Variants in ABCA13 observed in about 807,000 individuals in gnomAD.
ABCA13 encodes ATP binding cassette subfamily A member 13.
In ABCA13, 476 loss-of-function variants were observed where a neutral mutation model predicts 478.7. The ratio of observed to expected loss-of-function variants is 0.99; its 90% confidence interval spans 0.92 to 1.07. The LOEUF (loss-of-function observed/expected upper bound fraction) is 1.07. Ranked by LOEUF, ABCA13 falls within the 50% of genes least tolerant of loss-of-function variation. ABCA13 has a pLI of 0.00. For synonymous variants in ABCA13, 2,252 were observed against 2,158.9 expected, an observed-to-expected ratio of 1.04 and a Z score of -1.20; for missense variants, 6,060 against 5,910.6, an observed-to-expected ratio of 1.03 and a Z score of -0.83.
At chr7:48,358,174 G>C (rs547818361) in intron 31 of ABCA13, among the ~76,000 whole-genome samples, 9 of 127,462 alleles carry the variant, frequency 7.1e-5, no homozygotes, top group African/African-American at 2.5e-4. Context: ...GAAAGGACAG[G>C]ACAGGACAGG....
Position 48,401,233 on chromosome 7 carries a change from A to G in ABCA13, c.11874-2450A>G, listed in dbSNP as rs567689325. 1.6e-4 allele frequency among the ~76,000 whole-genome samples: 24 copies of G among 152,368 alleles called. No individual in the cohort carries two copies. In the South Asian group the frequency reaches 2.9e-3, roughly 18 times the overall value. On this transcript the variant is annotated intron_variant, in intron 38 of 61. Transcript: ENST00000435803. ...TTAGACTAGTAGTACCCAGTGTATG[A>G]TACATGTCTAATAAATGTTAAATAT...
chr7:48,319,567 G>A (rs901423629), intron 27 of ABCA13, among the ~76,000 whole-genome samples: 20 of 151,972 alleles, frequency 1.3e-4, no homozygotes, highest in African/African-American at 4.6e-4. Flanking sequence ...TTTAAGACGT[G>A]GTCTTTTTCT....
chr7:48,289,381 C>T (rs1363215976), intron 20 of ABCA13, among the ~76,000 whole-genome samples: 4 of 127,370 alleles, frequency 3.1e-5, no homozygotes, highest in African/African-American at 1.2e-4. Context: ...TTTTTTGAAA[C>T]GGAGTCTTGC....
chr7:48,565,188 A>G (rs1235904281), intron 55 of ABCA13, among the ~76,000 whole-genome samples: 1 of 150,722 alleles, frequency 6.6e-6, no homozygotes, highest in Admixed American at 6.6e-5. Flanking sequence ...GCTGCTATGA[A>G]CAGAGCATGT....
At chr7:48,241,544 C>T (rs537425931) in intron 10 of ABCA13, among the ~76,000 whole-genome samples, 1 of 152,238 alleles carries the variant, frequency 6.6e-6, no homozygotes, top group East Asian at 1.9e-4. Flanking sequence ...TTGTTTCTTC[C>T]TTTTTAAGAT....
intron 30 of ABCA13, among the ~76,000 whole-genome samples, chr7:48,351,478 G>A (rs1008557234): frequency 2.0e-5 from 3 of 152,168 alleles, no homozygotes; most frequent in African/African-American, 7.2e-5. Flanking sequence ...TATGAGGAGA[G>A]AATCTTCTCT....
At chr7:48,291,900 G>A (rs771670146) in intron 20 of ABCA13, among the ~76,000 whole-genome samples, 2 of 152,012 alleles carry the variant, frequency 1.3e-5, no homozygotes, top group Non-Finnish European at 1.5e-5. Flanking sequence ...CTCAGCTCCC[G>A]GCACTTTCCC....
chr7:48,430,415 C>T (rs532328800), intron 42 of ABCA13, among the ~76,000 whole-genome samples: 1 of 152,138 alleles, frequency 6.6e-6, no homozygotes, highest in African/African-American at 2.4e-5. Flanking sequence ...GTGGCTCACG[C>T]CTGTAATCCC....
At chr7:48,310,713 G>C (rs1350067511) in intron 24 of ABCA13, among the ~76,000 whole-genome samples, 1 of 152,168 alleles carries the variant, frequency 6.6e-6, no homozygotes, top group Admixed American at 6.5e-5. Flanking sequence ...ACAAGCAGCA[G>C]TGTGAGGGCA....
At chr7:48,613,288 A>G (rs1370466921) in intron 58 of ABCA13, among the ~76,000 whole-genome samples, 1 of 151,856 alleles carries the variant, frequency 6.6e-6, no homozygotes, top group African/African-American at 2.4e-5. Flanking sequence ...TCCCGGGTTC[A>G]AGTGATTCTC....
At chr7:48,485,314 T>G (rs1029855555) in intron 47 of ABCA13, among the ~76,000 whole-genome samples, 17 of 152,204 alleles carry the variant, frequency 1.1e-4, no homozygotes, top group African/African-American at 4.1e-4. Flanking sequence ...TGTCATAGTA[T>G]GTTCCTAAAA....
chr7:48,216,878 A>C (rs1194366356), intron 3 of ABCA13, among the ~76,000 whole-genome samples: 2 of 152,188 alleles, frequency 1.3e-5, no homozygotes, highest in African/African-American at 4.8e-5. Context: ...AAAACATTGA[A>C]TCATCCAATC....
chr7:48,374,476 G>C, intron 34 of ABCA13, 60 bp downstream of exon 34: 1 of 1,434,596 alleles, frequency 7.0e-7, no homozygotes, highest in Admixed American at 2.1e-5. Flanking sequence ...GAAATTAATA[G>C]TTATATTGCA....
chr7:48,605,580 C>G (rs1791384247), intron 58 of ABCA13, among the ~76,000 whole-genome samples: 1 of 152,186 alleles, frequency 6.6e-6, no homozygotes, highest in Admixed American at 6.5e-5. Context: ...CAGAGAGATC[C>G]ACTGTTAGTC....
In ABCA13 at chr7:48,278,088, T is replaced by G. The variant is rs1253150384; in HGVS notation, c.6900-6T>G. The G allele has an allele frequency of 9.1e-7, 1 of 1,093,240 alleles. No individual in the cohort carries two copies. Among genetic ancestry groups the G allele is most frequent in the Admixed American group, 3.5e-5 (1 of 28,606 alleles). The allele number at this position is 1,093,240 out of a possible 1,614,324, so 67.7% of individuals were successfully genotyped here. ...ATTAAAAGTATATATATATATATAT[T>G]TACAGTTTTGTCCCAAAAGATAAAA... is the stretch of plus-strand genomic sequence containing the variant. On this transcript the variant is annotated splice_polypyrimidine_tract_variant and splice_region_variant and intron_variant, in intron 17 of 61. Transcript: ENST00000435803.
rs1345718487 is a variant in ABCA13 at position 48,490,645 on chromosome 7, T to TA, written c.13291+1302dup. Among the ~76,000 whole-genome samples the TA allele has an allele frequency of 3.9e-5, 6 of 152,328 alleles. No individual in the cohort carries two copies. In the East Asian group the frequency reaches 1.2e-3, roughly 29 times the overall value. Reference sequence around the variant, plus strand: ...GGTCTTAGCAATGCAATAACAATTATAGTGTATGTTCAGCTTATATGGAAC... The same window carrying TA: ...GGTCTTAGCAATGCAATAACAATTATAAGTGTATGTTCAGCTTATATGGAAC... On this transcript the variant is annotated intron_variant, in intron 48 of 61. Coordinates refer to ENST00000435803, the MANE Select transcript of ABCA13 (RefSeq NM_152701.5).
chr7:48,563,688 G>A (rs570135760), intron 55 of ABCA13, among the ~76,000 whole-genome samples: 1 of 152,176 alleles, frequency 6.6e-6, no homozygotes, highest in East Asian at 1.9e-4. Flanking sequence ...GGCCTGAAAA[G>A]TTGCATAAGT....
Position 48,460,226 on chromosome 7 carries a change from G to A in ABCA13, c.12815+4940G>A, listed in dbSNP as rs995630854. ...TAGCATGCCAGCAGAAACTGGGTGC[G>A]TTTTTTAGTTTTCTAGGGCTGCTAT... On this transcript the variant is annotated intron_variant, in intron 43 of 61. Coordinates refer to ENST00000435803, the MANE Select transcript of ABCA13 (RefSeq NM_152701.5). 5.9e-5 allele frequency among the ~76,000 whole-genome samples: 9 copies of A among 152,146 alleles called. 1 individual carries two copies. Among genetic ancestry groups the A allele is most frequent in the East Asian group, 1.9e-4 (1 of 5,192 alleles).
intron 57 of ABCA13, among the ~76,000 whole-genome samples, chr7:48,590,593 T>C (rs1789632276): frequency 6.6e-6 from 1 of 152,172 alleles, no homozygotes; most frequent in Non-Finnish European, 1.5e-5. Context: ...TACATTTACA[T>C]TTCCACCAAT....
Sources: gnomAD v4.1 joint callset for allele counts (sites outside exome capture counted in the v4.1 genomes callset) on GRCh38, gnomAD v4.1.1 for gene constraint, MANE v1.5 for transcripts, NCBI Gene and HGNC (gene_info 2026-07-23, HGNC 2026-07-21) for gene names.